ZW10: variants seen among roughly 807,000 people sequenced by gnomAD.
ZW10 encodes centromere/kinetochore protein zw10 homolog.
A neutral mutation model predicts 87.8 loss-of-function variants in ZW10; 53 were observed. The observed-to-expected ratio is 0.60, with a 90% CI of 0.48 to 0.76. ZW10 has a LOEUF of 0.76. Ranked by LOEUF, ZW10 falls within the 30% of genes least tolerant of loss-of-function variation. ZW10 has a pLI of 0.00. For missense variants in ZW10, 837 were observed against 923.0 expected (o/e 0.91, Z 1.21); for synonymous variants, 312 against 329.2 (o/e 0.95, Z 0.57).
At chr11:113,739,150 A>G (rs910339338) in intron 12 of ZW10, 63 bp downstream of exon 12, 29 of 1,566,612 alleles carry the variant, frequency 1.9e-5, no homozygotes, top group Non-Finnish European at 2.3e-5. Context: ...CAAAAACTAT[A>G]AAGATACTAT....
intron 9 of ZW10, among the ~76,000 whole-genome samples, chr11:113,745,144 A>C (rs539004572): frequency 1.2e-4 from 18 of 152,302 alleles, no homozygotes; most frequent in African/African-American, 4.1e-4. Flanking sequence ...GACTAAATGA[A>C]AGAACAGTAG....
At chr11:113,750,474 T>C (rs1953723617) in intron 7 of ZW10, among the ~76,000 whole-genome samples, 1 of 152,074 alleles carries the variant, frequency 6.6e-6, no homozygotes, top group Non-Finnish European at 1.5e-5. Flanking sequence ...CAGCTAATTT[T>C]TGTATATTTA....
chr11:113,739,866 C>T (rs1320571370), intron 11 of ZW10, among the ~76,000 whole-genome samples: 1 of 152,138 alleles, frequency 6.6e-6, no homozygotes, highest in Non-Finnish European at 1.5e-5. Flanking sequence ...AGACTTTACC[C>T]CAAACAAATT....
Position 113,733,683 on chromosome 11 carries a change from A to C in ZW10, c.*11T>G. 1.2e-6 allele frequency: 2 copies of C among 1,613,934 alleles called. No homozygotes were observed. The highest frequency in any genetic ancestry group is 1.7e-6 in the Non-Finnish European group (2 of 1,179,984). ...ACATATTCAAGACATAGCTTTCTTA[A>C]GAAGATGGAGCTATTTAATTTTAGC... On this transcript the variant is annotated 3_prime_UTR_variant, in exon 16 of 16. Coordinates refer to ENST00000200135, the MANE Select transcript of ZW10 (RefSeq NM_004724.4).
At chr11:113,761,418 T>G (rs561461223) in intron 2 of ZW10, among the ~76,000 whole-genome samples, 80 of 152,270 alleles carry the variant, frequency 5.3e-4, no homozygotes, top group Middle Eastern at 3.4e-3. Flanking sequence ...TAGCCAGAAC[T>G]ACAGGCACGC....
At chr11:113,752,582 A>G (rs1953744503) in intron 7 of ZW10, among the ~76,000 whole-genome samples, 1 of 152,218 alleles carries the variant, frequency 6.6e-6, no homozygotes, top group Non-Finnish European at 1.5e-5. Context: ...AGAGTATTTC[A>G]AACTTTTTCA....
chr11:113,769,473 G>A (rs912259781), intron 1 of ZW10, among the ~76,000 whole-genome samples: 6 of 152,036 alleles, frequency 3.9e-5, no homozygotes, highest in African/African-American at 1.4e-4. Context: ...ATATTTTATG[G>A]CCTGATCTTA....
chr11:113,743,534 CA>C (rs1026875881), intron 10 of ZW10, among the ~76,000 whole-genome samples: 5 of 152,244 alleles, frequency 3.3e-5, no homozygotes, highest in African/African-American at 1.2e-4. Flanking sequence ...TTTTTAATGT[CA>C]AAAAAATCCA....
chr11:113,753,922 G>T (rs1953757618), intron 7 of ZW10, among the ~76,000 whole-genome samples: 1 of 152,322 alleles, frequency 6.6e-6, no homozygotes, highest in East Asian at 1.9e-4. Context: ...AAAGCTCAAG[G>T]TGAAGCAGCA....
intron 11 of ZW10, among the ~76,000 whole-genome samples, chr11:113,741,125 GT>G (rs745761469): frequency 1.5e-4 from 21 of 142,692 alleles, no homozygotes; most frequent in Admixed American, 2.8e-4. Flanking sequence ...AACAGCTTTT[GT>G]TTTTTTTTTT....
At chr11:113,746,838 T>C (rs1037271781) in intron 9 of ZW10, among the ~76,000 whole-genome samples, 1 of 152,072 alleles carries the variant, frequency 6.6e-6, no homozygotes, top group Non-Finnish European at 1.5e-5. Context: ...CAATAGATAA[T>C]AGAGTCAGAG....
At chr11:113,750,801 T>C (rs1207302042) in intron 7 of ZW10, among the ~76,000 whole-genome samples, 4 of 151,810 alleles carry the variant, frequency 2.6e-5, no homozygotes, top group Non-Finnish European at 4.4e-5. Flanking sequence ...TAACTTGGAT[T>C]CTTGCACAAA....
chr11:113,762,725 C>T (rs1178959939), intron 2 of ZW10, among the ~76,000 whole-genome samples: 2 of 152,002 alleles, frequency 1.3e-5, no homozygotes, highest in Admixed American at 6.6e-5. Flanking sequence ...ATCATGTTGG[C>T]CAGGCTGGTC....
Position 113,742,495 on chromosome 11 carries a change from G to A in ZW10, c.1512-730C>T, listed in dbSNP as rs142459763. ...CTTATTAAATTATTTCATTTTCGCT[G>A]CAGGAGCTGCTGTTTGAGTTTGATA... On this transcript the variant is annotated intron_variant, in intron 10 of 15. Coordinates refer to ENST00000200135, the MANE Select transcript of ZW10 (RefSeq NM_004724.4). Among the ~76,000 whole-genome samples, 246 of 152,236 alleles carry A rather than the reference G, an allele frequency of 1.6e-3. 1 individual carries two copies. The highest frequency in any genetic ancestry group is 2.9e-3 in the Non-Finnish European group (194 of 68,010).
At chr11:113,742,892 T>C (rs1953637266) in intron 10 of ZW10, among the ~76,000 whole-genome samples, 1 of 152,326 alleles carries the variant, frequency 6.6e-6, no homozygotes, top group East Asian at 1.9e-4. Flanking sequence ...ACGATAAAAA[T>C]TGAACTTGGA....
rs369260554 is a variant in ZW10, at chr11:113,756,057, C to A, written c.925+1605G>T. On this transcript the variant is annotated intron_variant, in intron 7 of 15. Coordinates refer to ENST00000200135, the MANE Select transcript of ZW10 (RefSeq NM_004724.4). ...CTTACTTTATTGCAGTGGTCTAAAA[C>A]CAAACCCGCAATATCTCTGAGGTAT... 1.4e-3 allele frequency among the ~76,000 whole-genome samples: 211 copies of A among 152,234 alleles called. 9 individuals carry two copies. In the South Asian group the frequency reaches 0.041, roughly 29 times the overall value.
chr11:113,735,259 G>A (rs534078655), intron 15 of ZW10, among the ~76,000 whole-genome samples: 2 of 152,234 alleles, frequency 1.3e-5, no homozygotes, highest in Non-Finnish European at 2.9e-5. Flanking sequence ...CTTATAACAA[G>A]GAATTAATGA....
intron 2 of ZW10, among the ~76,000 whole-genome samples, chr11:113,765,290 A>T (rs1252707151): frequency 8.5e-5 from 13 of 152,196 alleles, no homozygotes; most frequent in Admixed American, 7.2e-4. Context: ...TATGGGTAAG[A>T]TGATGTGGAA....
chr11:113,757,902 T>C (rs1404707003), intron 6 of ZW10, 49 bp from the exon 7 acceptor site: 2 of 1,471,270 alleles, frequency 1.4e-6, no homozygotes, highest in East Asian at 2.4e-5. Context: ...AAGACACTTC[T>C]AGGCCAGGCA....
Sources: gnomAD v4.1 joint callset for allele counts (sites outside exome capture counted in the v4.1 genomes callset) on GRCh38, gnomAD v4.1.1 for gene constraint, MANE v1.5 for transcripts, NCBI Gene and HGNC (gene_info 2026-07-23, HGNC 2026-07-21) for gene names.